The following REV3L variants were observed in gnomAD, a reference collection of about 807,000 sequenced individuals.
REV3L encodes the protein DNA polymerase zeta catalytic subunit.
In REV3L, 69 loss-of-function variants were observed where a neutral mutation model predicts 299.4. That is an observed-to-expected ratio of 0.23 (90% CI 0.19 to 0.28). The LOEUF is 0.28. Ranked by LOEUF, REV3L falls within the 10% of genes least tolerant of loss-of-function variation. The pLI is 1.00. For missense variants in REV3L, 3,128 were observed against 3,693.8 expected, an observed-to-expected ratio of 0.85 and a Z score of 3.97; for synonymous variants, 1,238 against 1,271.4, an observed-to-expected ratio of 0.97 and a Z score of 0.56.
intron 21 of REV3L, 106 bp downstream of exon 21, chr6:111,343,819 C>T (rs1338153842): frequency 2.6e-6 from 2 of 754,982 alleles, no homozygotes; most frequent in East Asian, 3.0e-5. Flanking sequence ...CGTAAGCCAC[C>T]GCAACTGGCC....
chr6:111,416,461 A>T lies in REV3L; in HGVS notation c.151T>A (p.Cys51Ser). The T allele has an allele frequency of 6.2e-7, 1 of 1,612,384 alleles. No homozygotes were observed. The highest frequency in any genetic ancestry group is 8.5e-7 in the Non-Finnish European group (1 of 1,178,960). ...GGAAAGATGCCATGTAGATGAAGAC[A>T]TGTCTTCTGACCTAAAATGTAACAC... ...FGATPAGQKTCLHLHGIFPYL... is the reference protein window; with the variant it reads ...FGATPAGQKTSLHLHGIFPYL... Residue 51 changes from cysteine to serine, a missense_variant, in exon 2 of 32, where the codon TGT becomes AGT. Around this residue, in one of 9 missense-constraint regions of REV3L, gnomAD observed 6 missense variants for 27.5 expected, o/e 0.22. Transcript: ENST00000368802.
intron 24 of REV3L, chr6:111,330,130 A>C: frequency 2.9e-6 from 1 of 344,050 alleles, no homozygotes; most frequent in Non-Finnish European, 5.8e-6. Context: ...TCAGTTTTTA[A>C]AGATCTCATC....
chr6:111,347,399 C>A (rs1031447135), intron 20 of REV3L, among the ~76,000 whole-genome samples: 3 of 151,958 alleles, frequency 2.0e-5, no homozygotes, highest in Non-Finnish European at 4.4e-5. Flanking sequence ...GGGACTCTAA[C>A]ACTCTTCTAT....
chr6:111,307,251 A>G, intron 31 of REV3L, 110 bp downstream of exon 31: 3 of 878,782 alleles, frequency 3.4e-6, no homozygotes, highest in Non-Finnish European at 5.6e-6. Flanking sequence ...TAGACTCTTC[A>G]TTTCACTTTT....
chr6:111,405,336 T>C (rs1783513075), intron 4 of REV3L, 134 bp downstream of exon 4: 1 of 607,400 alleles, frequency 1.6e-6, no homozygotes, highest in Admixed American at 4.1e-5. Context: ...ACTTTGCATG[T>C]ATTTCTTTTC....
Position 111,367,516 on chromosome 6 carries a change from C to A in REV3L, c.6272G>T (p.Ser2091Ile). Reference protein sequence around the residue: ...TTGCSQTASESQMLPPVASAS... With the variant: ...TTGCSQTASEIQMLPPVASAS... ...AGAGGCAACTGGTGGCAGCATCTGA[C>A]TTTCACTTGCAGTTTGACTACATCC... Residue 2091 changes from serine (S) to isoleucine (I), a missense_variant, in exon 14 of 32, where the codon AGT (serine) becomes ATT (isoleucine). Physicochemically the swap from Ser to Ile is moderately radical, Grantham distance 142 (BLOSUM62 -2). Transcript: ENST00000368802. 6.2e-7 allele frequency: 1 copy of A among 1,610,838 alleles called. No homozygotes were observed. The highest frequency in any genetic ancestry group is 8.5e-7 in the Non-Finnish European group (1 of 1,177,386).
At chr6:111,307,948 C>T (rs959185298) in intron 30 of REV3L, 1 of 280,842 alleles carries the variant, frequency 3.6e-6, no homozygotes, top group East Asian at 1.0e-4. Context: ...TCCCCACCCC[C>T]CGACAGGCCC....
chr6:111,437,141 T>C (rs1297242510), intron 1 of REV3L, among the ~76,000 whole-genome samples: 1 of 152,198 alleles, frequency 6.6e-6, no homozygotes, highest in Non-Finnish European at 1.5e-5. Flanking sequence ...CTTCTAGGAA[T>C]GTTAAATGGT....
intron 4 of REV3L, among the ~76,000 whole-genome samples, chr6:111,404,384 G>C (rs1783404904): frequency 6.6e-6 from 1 of 152,226 alleles, no homozygotes; most frequent in African/African-American, 2.4e-5. Context: ...CAACAGGTCT[G>C]ATGGAGATGT....
At chr6:111,402,544 A>C (rs565073403) in intron 4 of REV3L, among the ~76,000 whole-genome samples, 1 of 152,252 alleles carries the variant, frequency 6.6e-6, no homozygotes, top group East Asian at 1.9e-4. Context: ...AATGTATTTA[A>C]ATTTTTTTAT....
chr6:111,428,788 G>A (rs1440307264), intron 1 of REV3L, among the ~76,000 whole-genome samples: 1 of 152,072 alleles, frequency 6.6e-6, no homozygotes, highest in Non-Finnish European at 1.5e-5. Context: ...GAGGGCTCTT[G>A]TTAAGCAAGG....
intron 1 of REV3L, among the ~76,000 whole-genome samples, chr6:111,475,887 C>A (rs1792886167): frequency 6.6e-6 from 1 of 152,112 alleles, no homozygotes; most frequent in Non-Finnish European, 1.5e-5. Context: ...ATATTTAAAT[C>A]TTTAACTCCT....
In REV3L at chr6:111,326,959, T is replaced by C. The variant is rs533886523; in HGVS notation, c.8241+2573A>G. On this transcript the variant is annotated intron_variant, in intron 25 of 31. Transcript: ENST00000368802. ...ACATTGTACTGTTGCGAAGTTAGCATATGATGAGGGGTCAAATGCATGCTT... is the reference window on the plus strand; with the variant it reads ...ACATTGTACTGTTGCGAAGTTAGCACATGATGAGGGGTCAAATGCATGCTT... Among the ~76,000 whole-genome samples, 46 of 152,282 alleles carry C rather than the reference T, an allele frequency of 3.0e-4. No individual in the cohort carries two copies. In the Middle Eastern group the frequency reaches 0.01, roughly 34 times the overall value.
Position 111,343,908 on chromosome 6 carries a change from G to T in REV3L, c.7538+17C>A. On this transcript the variant is annotated intron_variant, in intron 21 of 31. Coordinates refer to ENST00000368802, the MANE Select transcript of REV3L (RefSeq NM_001372078.1). ...TGATGATTTTATATTACCTTCTTCA[G>T]AGTTATAGAACAGTACCTGTATAGA... 7.1e-7 allele frequency: 1 copy of T among 1,410,164 alleles called. No homozygotes were observed. Among genetic ancestry groups the T allele is most frequent in the South Asian group, 1.2e-5 (1 of 80,174 alleles). 87.4% of individuals were successfully genotyped at this position (1,410,164 alleles called of 1,614,324 possible). A position where few individuals can be genotyped will look rare whatever the true frequency, so the allele number is the denominator to read the frequency against.
At chr6:111,343,777 G>C in intron 21 of REV3L, 148 bp downstream of exon 21, 1 of 472,420 alleles carries the variant, frequency 2.1e-6, no homozygotes, top group South Asian at 5.1e-5. Flanking sequence ...TGATGTGCCC[G>C]CCTCGGCCTC....
intron 13 of REV3L, 108 bp from the exon 14 acceptor site, chr6:111,368,136 T>A: frequency 4.4e-6 from 4 of 913,650 alleles, no homozygotes; most frequent in Non-Finnish European, 6.4e-6. Flanking sequence ...AAAATGTCCA[T>A]GTCTATCTTC....
intron 13 of REV3L, among the ~76,000 whole-genome samples, chr6:111,371,470 A>T (rs1400330958): frequency 6.6e-6 from 1 of 152,040 alleles, no homozygotes; most frequent in Non-Finnish European, 1.5e-5. Flanking sequence ...AGCTCACTGC[A>T]GCCTTGACAT....
At chr6:111,390,834 A>G (rs187830383) in intron 5 of REV3L, among the ~76,000 whole-genome samples, 28 of 152,284 alleles carry the variant, frequency 1.8e-4, no homozygotes, top group African/African-American at 6.7e-4. Context: ...CTTTGACTCA[A>G]AAGCATTTGC....
At chr6:111,368,622 G>A (rs535158977) in intron 13 of REV3L, among the ~76,000 whole-genome samples, 90 of 152,264 alleles carry the variant, frequency 5.9e-4, no homozygotes, top group Middle Eastern at 3.4e-3. Context: ...AGCTGGCAGA[G>A]CCCACAGGAT....
Sources: allele counts gnomAD v4.1 joint callset (sites outside exome capture counted in the v4.1 genomes callset), GRCh38; gene constraint gnomAD v4.1.1; regional missense constraint gnomAD v4.1.1; transcripts MANE v1.5; gene names NCBI Gene and HGNC (gene_info 2026-07-23, HGNC 2026-07-21).